BMERB1: variants seen among roughly 807,000 people sequenced by gnomAD.
The protein encoded by BMERB1 is bMERB domain-containing protein 1.
In BMERB1, 12 loss-of-function variants were observed where a neutral mutation model predicts 23.6. That is an observed-to-expected ratio of 0.51 (90% CI 0.33 to 0.82). BMERB1 has a LOEUF of 0.82. Ranked by LOEUF, BMERB1 falls within the 40% of genes least tolerant of loss-of-function variation. BMERB1 has a pLI of 0.03. For synonymous variants in BMERB1, 122 were observed against 96.6 expected, an observed-to-expected ratio of 1.26 and a Z score of -1.54; for missense variants, 247 against 255.4, an observed-to-expected ratio of 0.97 and a Z score of 0.22.
intron 2 of BMERB1, among the ~76,000 whole-genome samples, chr16:15,532,567 A>G (rs1330845187): frequency 3.2e-4 from 30 of 95,016 alleles, no homozygotes; most frequent in African/African-American, 1.3e-3. Context: ...TTTTTTTGAG[A>G]CGGAGTCTCG....
At chr16:15,524,305 TG>T (rs2150956993) in intron 2 of BMERB1, among the ~76,000 whole-genome samples, 1 of 152,032 alleles carries the variant, frequency 6.6e-6, no homozygotes, top group South Asian at 2.1e-4. Flanking sequence ...TACAAGAAGT[TG>T]GGGTGTAGGG....
At chr16:15,529,054 T>C (rs2051940469) in intron 2 of BMERB1, among the ~76,000 whole-genome samples, 1 of 150,892 alleles carries the variant, frequency 6.6e-6, no homozygotes, top group Middle Eastern at 3.2e-3. Context: ...TGACGGAGTC[T>C]AGCTCTGTCG....
intron 2 of BMERB1, among the ~76,000 whole-genome samples, chr16:15,534,286 CAA>C (rs1168488547): frequency 4.8e-5 from 2 of 41,972 alleles, no homozygotes; most frequent in Non-Finnish European, 7.5e-5. Context: ...TTTTTAATTG[CAA>C]AAAAAAAAAA....
At chr16:15,550,330 C>T (rs945218953) in intron 2 of BMERB1, among the ~76,000 whole-genome samples, 1 of 151,690 alleles carries the variant, frequency 6.6e-6, no homozygotes, top group African/African-American at 2.4e-5. Context: ...CCTAAGAAAG[C>T]CCACTCCTTG....
At chr16:15,440,244 CAAAAAAAAAAA>C (rs57412464) in intron 1 of BMERB1, among the ~76,000 whole-genome samples, 5 of 64,668 alleles carry the variant, frequency 7.7e-5, no homozygotes, top group Non-Finnish European at 1.1e-4. Flanking sequence ...GACTTAATCT[CAAAAAAAAAAA>C]AAAAAAAAAA....
intron 1 of BMERB1, among the ~76,000 whole-genome samples, chr16:15,509,411 G>A (rs1407677970): frequency 1.3e-5 from 2 of 151,990 alleles, no homozygotes; most frequent in South Asian, 2.1e-4. Context: ...TGTTGAACAA[G>A]TCACTTTCCT....
At chr16:15,529,302 A>G (rs112559305) in intron 2 of BMERB1, among the ~76,000 whole-genome samples, 2 of 152,116 alleles carry the variant, frequency 1.3e-5, no homozygotes, top group Non-Finnish European at 1.5e-5. Flanking sequence ...CTGGGATTAC[A>G]GGCGTGAGCC....
chr16:15,541,647 G>A (rs1247269508), intron 2 of BMERB1, among the ~76,000 whole-genome samples: 1 of 147,472 alleles, frequency 6.8e-6, no homozygotes, highest in African/African-American at 2.5e-5. Flanking sequence ...TGTCACCCAG[G>A]CTGGAGTGCA....
At position 15,572,701 on chromosome 16, in the gene BMERB1, T is replaced by C. The variant is rs145007516; in HGVS notation, c.304+4645T>C. ...TGATCTGGCATTGTTGGCTTTGGAC[T>C]CTGGCATTGTAATAGAACTCAACTT... On this transcript the variant is annotated intron_variant, in intron 3 of 5. Transcript: ENST00000300006. Among the ~76,000 whole-genome samples, 96 of 152,338 alleles carry C rather than the reference T, an allele frequency of 6.3e-4. 1 individual carries two copies. The East Asian group carries it at 0.014, about 22-fold the overall frequency.
intron 3 of BMERB1, among the ~76,000 whole-genome samples, chr16:15,576,150 T>G (rs192686507): frequency 1.2e-3 from 183 of 151,914 alleles, no homozygotes; most frequent in Non-Finnish European, 2.2e-3. Context: ...GTGAAGTGAT[T>G]CTCCTGCCTC....
At chr16:15,544,079 A>G (rs1299460329) in intron 2 of BMERB1, among the ~76,000 whole-genome samples, 1 of 152,172 alleles carries the variant, frequency 6.6e-6, no homozygotes, top group Non-Finnish European at 1.5e-5. Flanking sequence ...TAACTTGTAG[A>G]TTTCTGTCCA....
intron 1 of BMERB1, among the ~76,000 whole-genome samples, chr16:15,457,128 C>G (rs771687702): frequency 1.3e-5 from 2 of 151,980 alleles, no homozygotes; most frequent in African/African-American, 2.4e-5. Flanking sequence ...GCCCAGCCTC[C>G]TCTATACAAA....
chr16:15,459,834 G>A (rs56189737), intron 1 of BMERB1, among the ~76,000 whole-genome samples: 2,904 of 152,236 alleles, frequency 0.019, 46 homozygotes, highest in Non-Finnish European at 0.026. Flanking sequence ...GAGGGAAGAG[G>A]CACTGTCATT....
chr16:15,559,379 C>T (rs987032949), intron 2 of BMERB1, among the ~76,000 whole-genome samples: 10 of 152,160 alleles, frequency 6.6e-5, no homozygotes, highest in African/African-American at 2.4e-4. Flanking sequence ...ACCAGTCATG[C>T]CCGCTGCAAC....
At chr16:15,583,415 C>G (rs1329913678) in intron 5 of BMERB1, among the ~76,000 whole-genome samples, 177 bp downstream of exon 5, 3 of 151,586 alleles carry the variant, frequency 2.0e-5, no homozygotes, top group Admixed American at 6.6e-5. Context: ...CCGTATCTAC[C>G]AAAAATATAA....
chr16:15,525,567 T>C (rs567624404), intron 2 of BMERB1, among the ~76,000 whole-genome samples: 114 of 152,020 alleles, frequency 7.5e-4, no homozygotes, highest in Middle Eastern at 6.8e-3. Flanking sequence ...TAGCCGGCTG[T>C]GGTGGCGTGT....
intron 1 of BMERB1, among the ~76,000 whole-genome samples, chr16:15,488,980 G>T (rs1413276828): frequency 6.6e-6 from 1 of 150,536 alleles, no homozygotes; most frequent in African/African-American, 2.4e-5. Flanking sequence ...GGAGTCCAAA[G>T]TCTATCTGTT....
intron 2 of BMERB1, among the ~76,000 whole-genome samples, chr16:15,524,920 A>T (rs1449179657): frequency 6.6e-6 from 1 of 152,096 alleles, no homozygotes; most frequent in Non-Finnish European, 1.5e-5. Context: ...TGCTCAGAGG[A>T]CCACCTCTGA....
At chr16:15,502,501 A>G in intron 1 of BMERB1, 1 of 820,496 alleles carries the variant, frequency 1.2e-6, no homozygotes, top group Non-Finnish European at 2.0e-6. Flanking sequence ...TGACTCATTA[A>G]AAGCAACGGG....
Sources: allele counts gnomAD v4.1 joint callset (sites outside exome capture counted in the v4.1 genomes callset), GRCh38; gene constraint gnomAD v4.1.1; transcripts MANE v1.5; gene names NCBI Gene and HGNC (gene_info 2026-07-23, HGNC 2026-07-21).